The following TGFBR1 variants were observed in gnomAD, a reference collection of about 807,000 sequenced individuals.
TGFBR1 encodes the protein TGF-beta receptor type-1.
TGFBR1 carries 20 observed loss-of-function variants against 55.1 expected under a neutral mutation model. That is an observed-to-expected ratio of 0.36 (90% CI 0.26 to 0.53). The LOEUF is 0.53. TGFBR1 is among the 20% of genes least tolerant of loss of function. TGFBR1 has a pLI of 0.91. For synonymous variants in TGFBR1, 220 were observed against 214.8 expected (o/e 1.02, Z -0.21); for missense variants, 385 against 617.6 (o/e 0.62, Z 3.99).
intron 1 of TGFBR1, among the ~76,000 whole-genome samples, chr9:99,122,241 A>G (rs1234794915): frequency 6.6e-6 from 1 of 152,146 alleles, no homozygotes; most frequent in African/African-American, 2.4e-5. Context: ...GGTTGTGTAG[A>G]TGATGACACA....
chr9:99,107,344 A>C (rs916089017), intron 1 of TGFBR1, among the ~76,000 whole-genome samples: 1 of 152,202 alleles, frequency 6.6e-6, no homozygotes, highest in Non-Finnish European at 1.5e-5. Flanking sequence ...AGTATGTTTT[A>C]ATGTTCTCTG....
chr9:99,130,840 TA>T (rs967281928), intron 2 of TGFBR1, among the ~76,000 whole-genome samples: 1 of 152,182 alleles, frequency 6.6e-6, no homozygotes, highest in African/African-American at 2.4e-5. Flanking sequence ...TCACAGTTGT[TA>T]AAGGTTGCTT....
intron 1 of TGFBR1, among the ~76,000 whole-genome samples, chr9:99,124,294 T>C (rs1342286107): frequency 6.6e-6 from 1 of 152,128 alleles, no homozygotes; most frequent in Non-Finnish European, 1.5e-5. Flanking sequence ...CAAGTGCAAA[T>C]ACCTTGTCTT....
intron 3 of TGFBR1, among the ~76,000 whole-genome samples, chr9:99,137,620 T>C (rs1827477355): frequency 6.6e-6 from 1 of 152,228 alleles, no homozygotes; most frequent in Non-Finnish European, 1.5e-5. Flanking sequence ...AACTTACTTT[T>C]ACAAAGCCTA....
intron 3 of TGFBR1, among the ~76,000 whole-genome samples, chr9:99,136,339 C>G (rs897092783): frequency 3.9e-5 from 6 of 152,170 alleles, no homozygotes; most frequent in Non-Finnish European, 7.4e-5. Flanking sequence ...AGTCCTGAAC[C>G]TGTCAGGTGT....
At chr9:99,129,786 C>T (rs1216830847) in intron 2 of TGFBR1, among the ~76,000 whole-genome samples, 5 of 151,968 alleles carry the variant, frequency 3.3e-5, no homozygotes, top group African/African-American at 1.2e-4. Flanking sequence ...TGTAATCCCA[C>T]CTACTTGGGT....
chr9:99,123,109 AT>A (rs1176687301), intron 1 of TGFBR1, among the ~76,000 whole-genome samples: 2 of 152,116 alleles, frequency 1.3e-5, no homozygotes, highest in Non-Finnish European at 2.9e-5. Context: ...TCTGAAAAAA[AT>A]CCCAAATCCA....
At chr9:99,136,326 A>T (rs1278568090) in intron 3 of TGFBR1, among the ~76,000 whole-genome samples, 1 of 152,148 alleles carries the variant, frequency 6.6e-6, no homozygotes, top group Non-Finnish European at 1.5e-5. Flanking sequence ...TACCATTTAC[A>T]CAAGTCCTGA....
At position 99,105,127 on chromosome 9, in the gene TGFBR1, T is replaced by TG. The variant is rs1239800785; in HGVS notation, c.-75dup. 2 of 1,021,398 alleles carry TG rather than the reference T, an allele frequency of 2.0e-6. No individual in the cohort carries two copies. Among genetic ancestry groups the TG allele is most frequent in the Non-Finnish European group, 1.2e-6 (1 of 847,436 alleles). 63.3% of individuals were successfully genotyped at this position (1,021,398 alleles called of 1,614,324 possible). ...GAGGCCGCCGCGGCGGCTAGGGAGG[T>TG]GGGGCGAGGCGAGGTTTGCTGGGGT... On this transcript the variant is annotated 5_prime_UTR_variant, in exon 1 of 9. Coordinates refer to ENST00000374994, the MANE Select transcript of TGFBR1 (RefSeq NM_004612.4).
At chr9:99,110,428 G>A (rs150459421) in intron 1 of TGFBR1, among the ~76,000 whole-genome samples, 3 of 152,158 alleles carry the variant, frequency 2.0e-5, no homozygotes, top group African/African-American at 4.8e-5. Context: ...GTTGTATAGA[G>A]TACCAAAACT....
At chr9:99,112,054 A>G (rs1826600363) in intron 1 of TGFBR1, among the ~76,000 whole-genome samples, 1 of 152,186 alleles carries the variant, frequency 6.6e-6, no homozygotes, top group South Asian at 2.1e-4. Context: ...CAGGATTTCT[A>G]AGAGGAGAAA....
intron 1 of TGFBR1, among the ~76,000 whole-genome samples, chr9:99,107,344 A>G (rs916089017): frequency 2.6e-5 from 4 of 152,202 alleles, no homozygotes; most frequent in African/African-American, 9.7e-5. Context: ...AGTATGTTTT[A>G]ATGTTCTCTG....
chr9:99,130,436 C>T (rs1031066848), intron 2 of TGFBR1, among the ~76,000 whole-genome samples: 1 of 152,230 alleles, frequency 6.6e-6, no homozygotes, highest in African/African-American at 2.4e-5. Flanking sequence ...CATGATAATG[C>T]AGCTCCCCTG....
chr9:99,106,048 G>C (rs1401892548), intron 1 of TGFBR1, among the ~76,000 whole-genome samples: 1 of 152,254 alleles, frequency 6.6e-6, no homozygotes, highest in Non-Finnish European at 1.5e-5. Context: ...CCAGTAACCA[G>C]ACGGCTACGG....
rs1588601615 is a variant in TGFBR1 at position 99,152,265 on chromosome 9, C to T, written c.*2960C>T. On this transcript the variant is annotated 3_prime_UTR_variant, in exon 9 of 9. Transcript: ENST00000374994. ...TTGAGCAGATGAGGCTTGGGATGCC[C>T]CTGCTTTGACTTCAGCCATGGATGA... is the stretch of plus-strand genomic sequence containing the variant. The T allele has an allele frequency of 1.9e-5, 4 of 215,894 alleles. No individual in the cohort carries two copies. The Admixed American group carries it at 2.3e-4, about 13-fold the overall frequency. The allele number at this position is 215,894 out of a possible 1,614,324, so 13.4% of individuals were successfully genotyped here.
rs890654838 is a variant in TGFBR1, at chr9:99,151,225, A to G, written c.*1920A>G. 8.6e-6 allele frequency: 2 copies of G among 231,572 alleles called. No homozygotes were observed. The highest frequency in any genetic ancestry group is 1.7e-5 in the Non-Finnish European group (2 of 117,076). 14.3% of individuals were successfully genotyped at this position (231,572 alleles called of 1,614,324 possible). On this transcript the variant is annotated 3_prime_UTR_variant, in exon 9 of 9. Coordinates refer to ENST00000374994, the MANE Select transcript of TGFBR1 (RefSeq NM_004612.4). The stretch of plus-strand genomic sequence containing the variant: ...TAAAAACATCATGGGAAAAATGCTT[A>G]GAGGTTACTATTTTGACTACAAAGT...
At chr9:99,141,834 A>G (rs1190078883) in intron 4 of TGFBR1, among the ~76,000 whole-genome samples, 2 of 152,208 alleles carry the variant, frequency 1.3e-5, no homozygotes, top group East Asian at 3.8e-4. Flanking sequence ...GTTTTGGCTT[A>G]CAGAGGAAAT....
At chr9:99,115,339 A>T (rs750807174) in intron 1 of TGFBR1, among the ~76,000 whole-genome samples, 17 of 152,136 alleles carry the variant, frequency 1.1e-4, no homozygotes, top group Non-Finnish European at 1.9e-4. Context: ...CACTGATTAC[A>T]TAATAGTGTA....
intron 3 of TGFBR1, 65 bp downstream of exon 3, chr9:99,132,804 T>G: frequency 6.3e-7 from 1 of 1,595,758 alleles, no homozygotes; most frequent in Non-Finnish European, 8.5e-7. Flanking sequence ...CTTATTTTAT[T>G]AGTTTTCTAA....
Sources: gnomAD v4.1 joint callset for allele counts (sites outside exome capture counted in the v4.1 genomes callset) on GRCh38, gnomAD v4.1.1 for gene constraint, MANE v1.5 for transcripts, NCBI Gene and HGNC (gene_info 2026-07-23, HGNC 2026-07-21) for gene names.